Variants in IL1RAPL1 observed in about 807,000 individuals in gnomAD.
IL1RAPL1 encodes the protein interleukin 1 receptor accessory protein like 1, also known as interleukin-1 receptor accessory protein-like 1.
IL1RAPL1 carries 3 observed loss-of-function variants against 48.4 expected under a neutral mutation model. That is an observed-to-expected ratio of 0.06 (90% CI 0.03 to 0.16). IL1RAPL1 has a LOEUF of 0.16. Among genes scored for constraint, IL1RAPL1 ranks in the 10% least tolerant of loss-of-function variants. The pLI is 1.00. For missense variants in IL1RAPL1, 349 were observed against 530.6 expected, an observed-to-expected ratio of 0.66 and a Z score of 3.36; for synonymous variants, 185 against 187.7, an observed-to-expected ratio of 0.99 and a Z score of 0.12.
At chrX:29,544,749 GTA>G (rs1921556057) in intron 5 of IL1RAPL1, among the ~76,000 whole-genome samples, 3 of 100,798 alleles carry the variant, frequency 3.0e-5, no homozygotes, top group South Asian at 4.7e-4. Flanking sequence ...GTGTGTGTGT[GTA>G]TGTGTGTGTG....
At chrX:29,032,790 T>C (rs1421889961) in intron 2 of IL1RAPL1, among the ~76,000 whole-genome samples, 1 of 111,995 alleles carries the variant, frequency 8.9e-6, no homozygotes, top group Non-Finnish European at 1.9e-5. Flanking sequence ...CACAAAGGCT[T>C]AGAGTCAAAT....
At chrX:29,179,360 T>C (rs1045174133) in intron 2 of IL1RAPL1, among the ~76,000 whole-genome samples, 16 of 111,748 alleles carry the variant, frequency 1.4e-4, no homozygotes, top group Non-Finnish European at 2.4e-4. Flanking sequence ...TTGTAGCAAT[T>C]GTGAATGGGA....
At chrX:28,786,270 G>A (rs1236168552) in intron 1 of IL1RAPL1, among the ~76,000 whole-genome samples, 1 of 111,373 alleles carries the variant, frequency 9.0e-6, no homozygotes, top group East Asian at 2.8e-4. Context: ...TTCGAGACCA[G>A]CCTGCCCAAC....
chrX:29,058,531 G>C (rs1371174004), intron 2 of IL1RAPL1, among the ~76,000 whole-genome samples: 2 of 111,808 alleles, frequency 1.8e-5, no homozygotes, highest in Admixed American at 1.9e-4. Flanking sequence ...TTTTCTCTTT[G>C]TGTTTTATAT....
chrX:28,924,646 C>T (rs772206403), intron 2 of IL1RAPL1, among the ~76,000 whole-genome samples: 11 of 111,078 alleles, frequency 9.9e-5, no homozygotes, highest in Non-Finnish European at 1.5e-4. Flanking sequence ...GAATACATGC[C>T]GAAACATGAA....
chrX:28,987,239 G>A (rs5943582), intron 2 of IL1RAPL1, among the ~76,000 whole-genome samples: 37,756 of 111,239 alleles, frequency 0.34, 4,672 homozygotes, highest in Admixed American at 0.43. Flanking sequence ...CAGAATCCTG[G>A]ATCTATCAGA....
intron 2 of IL1RAPL1, among the ~76,000 whole-genome samples, chrX:28,824,704 G>A (rs965662232): frequency 2.7e-5 from 3 of 111,353 alleles, no homozygotes; most frequent in African/African-American, 9.8e-5. Flanking sequence ...AAATTACACT[G>A]TATGTGGCTG....
At chrX:29,639,185 CAAAAAAA>C (rs57219766) in intron 5 of IL1RAPL1, among the ~76,000 whole-genome samples, 1 of 53,302 alleles carries the variant, frequency 1.9e-5, no homozygotes, top group Admixed American at 2.3e-4. Context: ...GACTCCGTCT[CAAAAAAA>C]AAAAAAAAAC....
chrX:28,766,354 C>T (rs1936238412), intron 1 of IL1RAPL1, among the ~76,000 whole-genome samples: 1 of 104,204 alleles, frequency 9.6e-6, no homozygotes, highest in Admixed American at 1.1e-4. Context: ...ATCTTAGGTC[C>T]AGCAGATTCA....
intron 6 of IL1RAPL1, among the ~76,000 whole-genome samples, chrX:29,810,859 T>C (rs1476243157): frequency 8.9e-6 from 1 of 112,236 alleles, no homozygotes; most frequent in Non-Finnish European, 1.9e-5. Context: ...CAAGTCTGCT[T>C]AACAATTTTA....
chrX:29,932,292 TGTTA>T (rs1437841289), intron 8 of IL1RAPL1, among the ~76,000 whole-genome samples: 3 of 112,534 alleles, frequency 2.7e-5, no homozygotes, highest in Non-Finnish European at 5.6e-5. Context: ...GCTCTGTCTG[TGTTA>T]GTAACTTCAC....
rs183398393 is a variant in IL1RAPL1 at position 29,499,367 on chromosome X, C to T, written c.703+100059C>T. 6.9e-3 allele frequency among the ~76,000 whole-genome samples: 773 copies of T among 111,668 alleles called. 4 individuals are homozygous for T. The highest frequency in any genetic ancestry group is 0.024 in the African/African-American group (734 of 30,758). ...GGCTCTATGAGTTTTAATGAGGCTT[C>T]GTTTCCTCACTTTTTTTTTCTTTTA... On this transcript the variant is annotated intron_variant, in intron 5 of 10. Coordinates refer to ENST00000378993, the MANE Select transcript of IL1RAPL1 (RefSeq NM_014271.4).
chrX:29,155,359 G>T (rs1478526841), intron 2 of IL1RAPL1, among the ~76,000 whole-genome samples: 2 of 111,889 alleles, frequency 1.8e-5, no homozygotes, highest in African/African-American at 3.2e-5. Flanking sequence ...ACATTCTATT[G>T]AGTTGAAATA....
intron 1 of IL1RAPL1, among the ~76,000 whole-genome samples, chrX:28,745,005 A>T (rs1165847382): frequency 9.0e-6 from 1 of 111,577 alleles, no homozygotes; most frequent in Admixed American, 9.6e-5. Flanking sequence ...CACCTTTCGT[A>T]AATATACCCA....
At chrX:28,748,778 C>A (rs1310456364) in intron 1 of IL1RAPL1, among the ~76,000 whole-genome samples, 2 of 111,490 alleles carry the variant, frequency 1.8e-5, no homozygotes, top group African/African-American at 6.5e-5. Context: ...GGGGATTTAT[C>A]ATTTCTTTGT....
chrX:29,151,410 A>G (rs944943900), intron 2 of IL1RAPL1, among the ~76,000 whole-genome samples: 4 of 111,893 alleles, frequency 3.6e-5, no homozygotes, highest in African/African-American at 6.5e-5. Context: ...CCATACTAGC[A>G]TCTCTGGCTT....
chrX:28,964,892 C>T lies in IL1RAPL1; in HGVS notation c.82+175467C>T, dbSNP rs762177271. ...TTTGAAGTAGTTTTTTAATTGCGTA[C>T]ATGCATGTGTGAATTTTTCTTTTGA... is the stretch of plus-strand genomic sequence containing the variant. On this transcript the variant is annotated intron_variant, in intron 2 of 10. Transcript: ENST00000378993. 7.2e-5 allele frequency among the ~76,000 whole-genome samples: 8 copies of T among 110,622 alleles called. No homozygotes were observed. In the South Asian group the frequency reaches 1.5e-3, roughly 21 times the overall value.
intron 2 of IL1RAPL1, among the ~76,000 whole-genome samples, chrX:29,060,583 A>G (rs1359142207): frequency 9.0e-6 from 1 of 111,685 alleles, no homozygotes; most frequent in African/African-American, 3.3e-5. Flanking sequence ...AGAACATCAG[A>G]TAATACATGA....
chrX:29,350,215 A>G (rs1203305049), intron 3 of IL1RAPL1, among the ~76,000 whole-genome samples: 2 of 78,341 alleles, frequency 2.6e-5, no homozygotes, highest in African/African-American at 1.3e-4. Flanking sequence ...ATATATATAT[A>G]TATATATATG....
Sources: allele counts gnomAD v4.1 joint callset (sites outside exome capture counted in the v4.1 genomes callset), GRCh38; gene constraint gnomAD v4.1.1; transcripts MANE v1.5; gene names NCBI Gene and HGNC (gene_info 2026-07-23, HGNC 2026-07-21).